The following GABRG3 variants were observed in gnomAD, a reference collection of about 807,000 sequenced individuals.
GABRG3 encodes the protein gamma-aminobutyric acid type A receptor subunit gamma3.
Under a neutral mutation model 48.8 loss-of-function variants are expected in GABRG3, and 25 were observed. The ratio of observed to expected loss-of-function variants is 0.51; its 90% CI spans 0.37 to 0.72. The LOEUF is 0.72. Ranked by LOEUF, GABRG3 falls within the 30% of genes least tolerant of loss-of-function variation. The pLI, the probability that GABRG3 is intolerant of heterozygous loss-of-function variation, is 0.00. For missense variants in GABRG3, 394 were observed against 577.9 expected, an observed-to-expected ratio of 0.68 and a Z score of 3.26; for synonymous variants, 227 against 217.6, an observed-to-expected ratio of 1.04 and a Z score of -0.38.
intron 5 of GABRG3, among the ~76,000 whole-genome samples, chr15:27,472,263 ATTTCT>A (rs759874738): frequency 9.2e-5 from 14 of 151,826 alleles, no homozygotes; most frequent in Admixed American, 2.0e-4. Context: ...ATATGTAAAC[ATTTCT>A]TTTCTTTTCT....
chr15:27,118,469 G>C (rs896838544), intron 3 of GABRG3, among the ~76,000 whole-genome samples: 1 of 152,178 alleles, frequency 6.6e-6, no homozygotes, highest in Admixed American at 6.5e-5. Context: ...TGACTGAGAC[G>C]TGCCATGGCA....
intron 3 of GABRG3, among the ~76,000 whole-genome samples, chr15:27,223,329 A>G (rs1014088636): frequency 1.3e-5 from 2 of 152,240 alleles, no homozygotes; most frequent in Non-Finnish European, 2.9e-5. Context: ...CAGAAAGCCA[A>G]TCGCTGAGAC....
intron 3 of GABRG3, among the ~76,000 whole-genome samples, chr15:27,259,333 G>T (rs755316811): frequency 6.6e-6 from 1 of 152,164 alleles, no homozygotes; most frequent in Non-Finnish European, 1.5e-5. Context: ...TCCCCTGCCA[G>T]TTTGGAGGTG....
chr15:27,368,976 T>C (rs1895305211), intron 5 of GABRG3, among the ~76,000 whole-genome samples: 1 of 152,230 alleles, frequency 6.6e-6, no homozygotes, highest in African/African-American at 2.4e-5. Context: ...GTCATTTATA[T>C]TTTCTGAAAC....
At chr15:27,530,587 G>C in intron 9 of GABRG3, 1 of 470,568 alleles carries the variant, frequency 2.1e-6, no homozygotes, top group Non-Finnish European at 4.4e-6. Context: ...CCTAAATGAA[G>C]TGAAATGGAG....
intron 6 of GABRG3, among the ~76,000 whole-genome samples, chr15:27,490,886 C>T (rs563797936): frequency 6.7e-6 from 1 of 150,238 alleles, no homozygotes; most frequent in Non-Finnish European, 1.5e-5. Context: ...TGTCCTGCCA[C>T]CACCCCCACC....
intron 3 of GABRG3, among the ~76,000 whole-genome samples, chr15:27,109,672 C>G (rs1411302886): frequency 6.6e-6 from 1 of 152,188 alleles, no homozygotes; most frequent in Non-Finnish European, 1.5e-5. Flanking sequence ...CACCCGGACT[C>G]AGGAGTTTGA....
chr15:27,163,842 A>G (rs1887285909), intron 3 of GABRG3, among the ~76,000 whole-genome samples: 2 of 152,144 alleles, frequency 1.3e-5, no homozygotes, highest in African/African-American at 2.4e-5. Flanking sequence ...TAACCATTCC[A>G]TGAAGTAAAC....
At chr15:27,331,022 A>G (rs1193520049) in intron 5 of GABRG3, among the ~76,000 whole-genome samples, 2 of 152,224 alleles carry the variant, frequency 1.3e-5, no homozygotes, top group Non-Finnish European at 2.9e-5. Flanking sequence ...GAAAGATCTT[A>G]TAAGAGCAAA....
intron 5 of GABRG3, among the ~76,000 whole-genome samples, chr15:27,472,798 A>C (rs1889825110): frequency 6.6e-6 from 1 of 152,176 alleles, no homozygotes; most frequent in Admixed American, 6.5e-5. Context: ...CTGTCTCTAC[A>C]TATATACATA....
chr15:27,005,465 T>C (rs1714216419), intron 2 of GABRG3, among the ~76,000 whole-genome samples: 1 of 152,226 alleles, frequency 6.6e-6, no homozygotes, highest in African/African-American at 2.4e-5. Context: ...AAAGAAATTG[T>C]GAGACCTTGA....
intron 5 of GABRG3, among the ~76,000 whole-genome samples, chr15:27,342,282 T>C (rs1172486839): frequency 2.0e-5 from 3 of 152,004 alleles, no homozygotes; most frequent in Admixed American, 1.3e-4. Context: ...AAAAACCGAG[T>C]CTTAGGGAAA....
At chr15:27,470,249 T>C (rs2150839985) in intron 5 of GABRG3, among the ~76,000 whole-genome samples, 1 of 152,008 alleles carries the variant, frequency 6.6e-6, no homozygotes, top group East Asian at 1.9e-4. Context: ...TCTCTCTTTT[T>C]TTTTTTCTTG....
chr15:27,017,017 A>G (rs887550215), intron 2 of GABRG3, among the ~76,000 whole-genome samples: 2 of 152,022 alleles, frequency 1.3e-5, no homozygotes, highest in Admixed American at 1.3e-4. Context: ...AGTTTTTTCC[A>G]TCTGTGCCTT....
At chr15:27,378,918 A>G (rs542877127) in intron 5 of GABRG3, among the ~76,000 whole-genome samples, 1 of 149,560 alleles carries the variant, frequency 6.7e-6, no homozygotes, top group South Asian at 2.1e-4. Flanking sequence ...GAATGCCCTC[A>G]GCGGAAAGAA....
chr15:27,162,976 A>G (rs1374929290), intron 3 of GABRG3, among the ~76,000 whole-genome samples: 1 of 151,892 alleles, frequency 6.6e-6, no homozygotes, highest in Non-Finnish European at 1.5e-5. Flanking sequence ...TTCACCTACA[A>G]TCTTAGTAGG....
At chr15:27,506,436 A>G (rs796789590) in intron 6 of GABRG3, among the ~76,000 whole-genome samples, 12 of 152,290 alleles carry the variant, frequency 7.9e-5, no homozygotes, top group Admixed American at 2.6e-4. Flanking sequence ...ACGCTGCCAT[A>G]TGGAAAGGAA....
chr15:27,241,981 T>A (rs1890140684), intron 3 of GABRG3, among the ~76,000 whole-genome samples: 1 of 152,224 alleles, frequency 6.6e-6, no homozygotes, highest in Non-Finnish European at 1.5e-5. Flanking sequence ...AAGTGGTTAT[T>A]CTTCCAGAGG....
chr15:27,207,369 G>A (rs1240748713), intron 3 of GABRG3, among the ~76,000 whole-genome samples: 2 of 152,214 alleles, frequency 1.3e-5, no homozygotes, highest in African/African-American at 2.4e-5. Flanking sequence ...GACTGAGATA[G>A]GTCCAAGGGA....
Sources: allele counts gnomAD v4.1 joint callset (sites outside exome capture counted in the v4.1 genomes callset), GRCh38; gene constraint gnomAD v4.1.1; transcripts MANE v1.5; gene names NCBI Gene and HGNC (gene_info 2026-07-23, HGNC 2026-07-21).